The following ABCC5 variants were observed in gnomAD, a reference collection of about 807,000 sequenced individuals.
ABCC5 encodes the protein ATP-binding cassette sub-family C member 5.
ABCC5 carries 61 observed loss-of-function variants against 160.9 expected under a neutral mutation model. That is an observed-to-expected ratio of 0.38 (90% CI 0.31 to 0.47). The LOEUF (loss-of-function observed/expected upper bound fraction) is 0.47. Ranked by LOEUF, ABCC5 falls within the 20% of genes least tolerant of loss-of-function variation. ABCC5 has a pLI of 0.99. For missense variants in ABCC5, 1,308 were observed against 1,813.3 expected, an observed-to-expected ratio of 0.72 and a Z score of 5.06; for synonymous variants, 666 against 700.6, an observed-to-expected ratio of 0.95 and a Z score of 0.78.
In ABCC5 at chr3:183,982,497, G is replaced by A; in HGVS notation, c.953C>T (p.Thr318Ile). ...AAAAACAGCTGATCCCAGGAAGCCT[G>A]TTGGTCCCAGAATAATTACATTATA... is the stretch of plus-strand genomic sequence containing the variant. ...MIYNVIILGP[T>I]GFLGSAVFIL... Residue 318 changes from threonine to isoleucine, a missense_variant, in exon 7 of 30, where the codon ACA becomes ATA. Physicochemically the swap from Thr to Ile is moderately conservative, Grantham distance 89. This residue lies in a region of ABCC5 where 1,142 missense variants were observed against 1,527.1 expected (regional missense o/e 0.75). Coordinates refer to ENST00000334444, the MANE Select transcript of ABCC5 (RefSeq NM_005688.4). The surrounding 1 kb of genome is among the most constrained non-coding windows in gnomAD (Gnocchi z 5.2). The A allele has an allele frequency of 1.9e-6, 3 of 1,614,186 alleles. No homozygotes were observed. Among genetic ancestry groups the A allele is most frequent in the East Asian group, 2.2e-5 (1 of 44,880 alleles).
chr3:183,958,487 G>A (rs1231820170), intron 17 of ABCC5, among the ~76,000 whole-genome samples: 1 of 152,112 alleles, frequency 6.6e-6, no homozygotes, highest in Admixed American at 6.5e-5. Flanking sequence ...TCAGCCTTCT[G>A]TGCTGTTTGT....
At chr3:184,008,655 G>A (rs1292505866) in intron 2 of ABCC5, among the ~76,000 whole-genome samples, 1 of 152,208 alleles carries the variant, frequency 6.6e-6, no homozygotes, top group Non-Finnish European at 1.5e-5. Flanking sequence ...ATAAATATTT[G>A]AAGATGTGAC....
At chr3:183,922,024 C>G (rs1712030501) in intron 29 of ABCC5, among the ~76,000 whole-genome samples, 1 of 150,332 alleles carries the variant, frequency 6.7e-6, no homozygotes, top group Non-Finnish European at 1.5e-5. Flanking sequence ...CAACGAGACT[C>G]TGCCTCAAAA....
At chr3:183,962,244 T>C (rs967892770) in intron 15 of ABCC5, among the ~76,000 whole-genome samples, 5 of 152,196 alleles carry the variant, frequency 3.3e-5, no homozygotes, top group African/African-American at 1.2e-4. Context: ...GCCTATTTTA[T>C]AATAAAATGT....
At position 183,949,643 on chromosome 3, in the gene ABCC5, G is replaced by T; in HGVS notation, c.3227+110C>A. On this transcript the variant is annotated intron_variant, in intron 22 of 29. Coordinates refer to ENST00000334444, the MANE Select transcript of ABCC5 (RefSeq NM_005688.4). The surrounding 1 kb of genome is among the most constrained non-coding windows in gnomAD (Gnocchi z 4.2). ...TTCCATTAAATCATGAATACCCTTG[G>T]TAATGAGGTTTATAATCCCCATCTC... 1 of 1,336,524 alleles carries T rather than the reference G, an allele frequency of 7.5e-7. No individual in the cohort carries two copies. Among genetic ancestry groups the T allele is most frequent in the Non-Finnish European group, 1.0e-6 (1 of 977,850 alleles). The allele number at this position is 1,336,524 out of a possible 1,614,324, so 82.8% of individuals were successfully genotyped here.
rs531860708 is a variant in ABCC5 at position 183,955,818 on chromosome 3, T to C, written c.2483-2548A>G. Among the ~76,000 whole-genome samples, 22 of 143,912 alleles carry C rather than the reference T, an allele frequency of 1.5e-4. 2 individuals carry two copies. The highest frequency in any genetic ancestry group is 4.8e-4 in the African/African-American group (19 of 39,532). 94.4% of individuals were successfully genotyped at this position (143,912 alleles called of 152,430 possible). ...CAGATCCATGTGTATATCACATCAG[T>C]TACATGCAGCTCCGTGTGTATATCA... On this transcript the variant is annotated intron_variant, in intron 17 of 29. Transcript: ENST00000334444.
In ABCC5 at chr3:183,949,415, T is replaced by C. The variant is rs560398942; in HGVS notation, c.3227+338A>G. 2.2e-4 allele frequency among the ~76,000 whole-genome samples: 33 copies of C among 152,350 alleles called. 2 individuals carry two copies. In the South Asian group the frequency reaches 6.2e-3, roughly 29 times the overall value. On this transcript the variant is annotated intron_variant, in intron 22 of 29. Transcript: ENST00000334444. This position sits in a 1 kb window ranked among gnomAD's most constrained non-coding sequence, Gnocchi z 4.2. The stretch of plus-strand genomic sequence containing the variant: ...ACTCCTAATCTGTGGGGTTTGTTCC[T>C]TGTATTTTGTTTTGAGATGGGGTCC...
chr3:183,981,239 C>G (rs978417275), intron 8 of ABCC5, among the ~76,000 whole-genome samples: 1 of 152,182 alleles, frequency 6.6e-6, no homozygotes, highest in African/African-American at 2.4e-5. Context: ...GCCATTTCTC[C>G]TAGCTTTGTG....
At chr3:183,966,686 G>C (rs753066835) in intron 12 of ABCC5, among the ~76,000 whole-genome samples, 2 of 151,894 alleles carry the variant, frequency 1.3e-5, no homozygotes, top group Non-Finnish European at 2.9e-5. Context: ...CTTTTTACAA[G>C]ACCAATGGCT....
At chr3:183,936,019 A>G (rs1271759370) in intron 26 of ABCC5, among the ~76,000 whole-genome samples, 2 of 152,112 alleles carry the variant, frequency 1.3e-5, no homozygotes, top group Non-Finnish European at 1.5e-5. Context: ...GTGCCCCTAG[A>G]ATTAAACTGT....
chr3:183,981,537 GT>G (rs1432559091), intron 8 of ABCC5, among the ~76,000 whole-genome samples, 189 bp downstream of exon 8: 2 of 152,286 alleles, frequency 1.3e-5, no homozygotes, highest in East Asian at 3.9e-4. Flanking sequence ...TTCCTCATCA[GT>G]GAGATGAGGT....
At chr3:184,005,671 A>G (rs1721130030) in intron 2 of ABCC5, among the ~76,000 whole-genome samples, 1 of 151,848 alleles carries the variant, frequency 6.6e-6, no homozygotes, top group Non-Finnish European at 1.5e-5. Flanking sequence ...TAGGAGATAT[A>G]CCTAATGTAA....
intron 20 of ABCC5, among the ~76,000 whole-genome samples, chr3:183,950,639 C>T (rs1159344257): frequency 1.3e-5 from 2 of 152,210 alleles, no homozygotes; most frequent in Non-Finnish European, 2.9e-5. Flanking sequence ...AAATCCCAGA[C>T]ATGTTGCTAT....
At chr3:183,959,970 C>A in intron 16 of ABCC5, 135 bp from the exon 17 acceptor site, 1 of 589,690 alleles carries the variant, frequency 1.7e-6, no homozygotes, top group Non-Finnish European at 2.9e-6. Flanking sequence ...AAAAGGGTCA[C>A]CTATACTCAT....
At position 183,978,650 on chromosome 3, in the gene ABCC5, T is replaced by C; in HGVS notation, c.1149A>G (p.Lys383=). The change falls in exon 9 of 30, where the codon AAA becomes AAG. Residue 383 remains lysine, a splice_region_variant and synonymous_variant. Transcript: ENST00000334444. ...ATATCCGACGCTCCTCCTCGCGGAT[T>C]TCTATGAATAAAAAGCAAGCCAATT... The part of the protein sequence containing the change: ...WVKAFSQSVQ[K]IREEERRILE... The C allele has an allele frequency of 3.7e-6, 6 of 1,612,330 alleles. No individual in the cohort carries two copies. The highest frequency in any genetic ancestry group is 5.1e-6 in the Non-Finnish European group (6 of 1,179,394).
chr3:183,948,705 A>G (rs1238138986), intron 22 of ABCC5, among the ~76,000 whole-genome samples: 1 of 151,310 alleles, frequency 6.6e-6, no homozygotes, highest in Non-Finnish European at 1.5e-5. Context: ...CTAAATTTTT[A>G]TTTTTATTTT....
At chr3:183,957,320 G>A (rs1418330052) in intron 17 of ABCC5, among the ~76,000 whole-genome samples, 1 of 108,408 alleles carries the variant, frequency 9.2e-6, no homozygotes, top group Admixed American at 9.7e-5. Context: ...AAATCACATC[G>A]GTTACATGCG....
chr3:183,941,432 A>G (rs1342110806), intron 25 of ABCC5, among the ~76,000 whole-genome samples: 1 of 152,148 alleles, frequency 6.6e-6, no homozygotes, highest in Non-Finnish European at 1.5e-5. Context: ...GACGTGAAGT[A>G]ATTCCCTCAA....
At chr3:183,984,748 C>G (rs1719049753) in intron 5 of ABCC5, 1 of 1,537,250 alleles carries the variant, frequency 6.5e-7, no homozygotes, top group African/African-American at 1.4e-5. Flanking sequence ...AGATTGGCTT[C>G]TTTTCCAGTA....
Sources: allele counts gnomAD v4.1 joint callset (sites outside exome capture counted in the v4.1 genomes callset), GRCh38; gene constraint gnomAD v4.1.1; regional missense constraint gnomAD v4.1.1; non-coding constraint Gnocchi (gnomAD v3.1); transcripts MANE v1.5; gene names NCBI Gene and HGNC (gene_info 2026-07-23, HGNC 2026-07-21).